CLIP1: variants seen among roughly 807,000 people sequenced by gnomAD.
CLIP1 encodes CAP-Gly domain-containing linker protein 1.
Under a neutral mutation model 161.6 loss-of-function variants are expected in CLIP1, and 66 were observed. That is an observed-to-expected ratio of 0.41 (90% CI 0.33 to 0.50). CLIP1 has a LOEUF of 0.50. CLIP1 is among the 20% of genes least tolerant of loss of function. The pLI, the probability that CLIP1 is intolerant of heterozygous loss-of-function variation, is 0.27. For synonymous variants in CLIP1, 598 were observed against 626.2 expected (o/e 0.96, Z 0.67); for missense variants, 1,376 against 1,702.0 (o/e 0.81, Z 3.37).
intron 1 of CLIP1, among the ~76,000 whole-genome samples, chr12:122,406,785 GT>G (rs1236752308): frequency 6.6e-6 from 1 of 151,858 alleles, no homozygotes; most frequent in Non-Finnish European, 1.5e-5. Context: ...ATAAGACAAT[GT>G]TTTTTTTAGA....
intron 20 of CLIP1, among the ~76,000 whole-genome samples, chr12:122,306,527 A>G (rs1217424724): frequency 2.0e-5 from 3 of 152,234 alleles, no homozygotes; most frequent in Non-Finnish European, 2.9e-5. Context: ...AAGCAGAAGC[A>G]CACGATCCTG....
rs911902975 is a variant in CLIP1, at chr12:122,377,890, C to A, written c.156G>T (p.Glu52Asp). Residue 52 changes from glutamate (E) to aspartate (D), a missense_variant, in exon 3 of 26, where the codon GAG becomes GAT. By Grantham distance (45) the Glu-to-Asp change is conservative. Coordinates refer to ENST00000620786, the MANE Select transcript of CLIP1 (RefSeq NM_001247997.2). ...ASSTPSSETQ[E>D]EFVDDFRVGE... ...CAACTCGAAAGTCATCCACAAATTCCTCCTGAGTCTCAGATGATGGAGTGC... is the reference window on the plus strand; with the variant it reads ...CAACTCGAAAGTCATCCACAAATTCATCCTGAGTCTCAGATGATGGAGTGC... 5 of 1,613,990 alleles carry A rather than the reference C, an allele frequency of 3.1e-6. No individual in the cohort carries two copies. The highest frequency in any genetic ancestry group is 4.2e-6 in the Non-Finnish European group (5 of 1,180,022).
chr12:122,389,263 AAG>A (rs1197073655), intron 1 of CLIP1, among the ~76,000 whole-genome samples: 2 of 152,212 alleles, frequency 1.3e-5, no homozygotes, highest in Admixed American at 1.3e-4. Context: ...CTCTCAAGGG[AAG>A]AAACTGTATT....
intron 24 of CLIP1, chr12:122,277,919 A>G (rs1041137078): frequency 8.1e-6 from 4 of 496,160 alleles, no homozygotes; most frequent in Non-Finnish European, 1.4e-5. Flanking sequence ...AGACACAAAT[A>G]ACAGTAATTA....
intron 9 of CLIP1, among the ~76,000 whole-genome samples, chr12:122,349,104 T>G (rs554074263): frequency 1.3e-4 from 20 of 152,330 alleles, no homozygotes; most frequent in African/African-American, 4.1e-4. Context: ...GTATGTGCCT[T>G]GGATGGACAC....
At chr12:122,357,641 T>C (rs1216599053) in intron 5 of CLIP1, among the ~76,000 whole-genome samples, 1 of 126,984 alleles carries the variant, frequency 7.9e-6, no homozygotes, top group Non-Finnish European at 1.6e-5. Context: ...TACTGGGAAG[T>C]GAGGAGCCCC....
intron 12 of CLIP1, among the ~76,000 whole-genome samples, chr12:122,335,416 C>A (rs985529933): frequency 6.6e-6 from 1 of 150,410 alleles, no homozygotes; most frequent in African/African-American, 2.5e-5. Context: ...CTAAGATATA[C>A]GGAAGGATAC....
chr12:122,310,940 A>G (rs1004215439), intron 19 of CLIP1, among the ~76,000 whole-genome samples: 3 of 152,214 alleles, frequency 2.0e-5, no homozygotes, highest in Non-Finnish European at 4.4e-5. Flanking sequence ...GGATGACCTC[A>G]GGAAGACTTA....
At chr12:122,387,625 G>T (rs1280388306) in intron 1 of CLIP1, among the ~76,000 whole-genome samples, 1 of 110,680 alleles carries the variant, frequency 9.0e-6, no homozygotes, top group African/African-American at 3.8e-5. Context: ...TTAGAAACAA[G>T]GTCTTGCTCT....
At chr12:122,398,806 T>G (rs1956034091) in intron 1 of CLIP1, among the ~76,000 whole-genome samples, 2 of 151,936 alleles carry the variant, frequency 1.3e-5, no homozygotes, top group Admixed American at 1.3e-4. Flanking sequence ...CCCAGGAGAT[T>G]GAGTCCAGCC....
At chr12:122,329,831 TG>T (rs941151747) in intron 15 of CLIP1, among the ~76,000 whole-genome samples, 6 of 151,816 alleles carry the variant, frequency 4.0e-5, no homozygotes, top group African/African-American at 1.5e-4. Context: ...ATATAAAACA[TG>T]GGGGGCCGGG....
In CLIP1 at chr12:122,272,242, T is replaced by C. The variant is rs578237201; in HGVS notation, c.*633A>G. 2 of 153,032 alleles carry C rather than the reference T, an allele frequency of 1.3e-5. No homozygotes were observed. Among genetic ancestry groups the C allele is most frequent in the South Asian group, 4.1e-4 (2 of 4,834 alleles). 9.5% of individuals were successfully genotyped at this position (153,032 alleles called of 1,614,324 possible). On this transcript the variant is annotated 3_prime_UTR_variant, in exon 26 of 26. Transcript: ENST00000620786. The stretch of plus-strand genomic sequence containing the variant: ...CAGTAGATTAAGTGGGTGCAGCATA[T>C]AGATTATAAAATGTCCCCACAGCAG...
intron 15 of CLIP1, among the ~76,000 whole-genome samples, chr12:122,332,774 C>G (rs1952038322): frequency 6.6e-6 from 1 of 152,136 alleles, no homozygotes; most frequent in African/African-American, 2.4e-5. Context: ...TATTGTATTC[C>G]TTAATTCTGT....
intron 21 of CLIP1, among the ~76,000 whole-genome samples, chr12:122,283,787 T>C (rs1955741570): frequency 6.6e-6 from 1 of 152,182 alleles, no homozygotes; most frequent in Admixed American, 6.5e-5. Flanking sequence ...ATCCTACAGT[T>C]GGGAGTAAGT....
intron 21 of CLIP1, among the ~76,000 whole-genome samples, chr12:122,287,342 C>T (rs1020442213): frequency 5.3e-5 from 8 of 152,180 alleles, no homozygotes; most frequent in South Asian, 2.1e-4. Context: ...GTAAAACATA[C>T]GCTTCAGTAG....
At chr12:122,370,618 T>C (rs1330491797) in intron 3 of CLIP1, among the ~76,000 whole-genome samples, 1 of 152,164 alleles carries the variant, frequency 6.6e-6, no homozygotes, top group Non-Finnish European at 1.5e-5. Context: ...AGATGACATA[T>C]AACAGATACC....
At position 122,334,708 on chromosome 12, in the gene CLIP1, A is replaced by G. The variant is rs374761147; in HGVS notation, c.2569-3T>C. ...GAAGCTTCAGCAAACTTTTCTTTCT[A>G]AAGAAAAAGAATGAGAGATTCTGAA... On this transcript the variant is annotated splice_region_variant and splice_polypyrimidine_tract_variant and intron_variant, in intron 12 of 25. Transcript: ENST00000620786. 1.9e-5 allele frequency: 30 copies of G among 1,553,112 alleles called. No homozygotes were observed. In the African/African-American group the frequency reaches 3.7e-4, roughly 19 times the overall value.
intron 24 of CLIP1, 166 bp from the exon 25 acceptor site, chr12:122,274,328 T>C (rs368386900): frequency 4.8e-5 from 27 of 560,102 alleles, no homozygotes; most frequent in East Asian, 2.5e-4. Context: ...AGGACAGGCA[T>C]GCTGAGATTG....
At chr12:122,316,905 G>A in intron 18 of CLIP1, 50 bp from the exon 19 acceptor site, 1 of 1,060,306 alleles carries the variant, frequency 9.4e-7, no homozygotes, top group Non-Finnish European at 1.4e-6. Context: ...ATTTTCCAGT[G>A]ACATGAATGA....
Sources: gnomAD v4.1 joint callset for allele counts (sites outside exome capture counted in the v4.1 genomes callset) on GRCh38, gnomAD v4.1.1 for gene constraint, MANE v1.5 for transcripts, NCBI Gene and HGNC (gene_info 2026-07-23, HGNC 2026-07-21) for gene names.